The following NBEAL1 variants were observed in gnomAD, a reference collection of about 807,000 sequenced individuals.
NBEAL1 encodes the protein neurobeachin like 1, also known as neurobeachin-like protein 1.
NBEAL1 carries 273 observed loss-of-function variants against 351.3 expected under a neutral mutation model. The ratio of observed to expected loss-of-function variants is 0.78; its 90% CI spans 0.70 to 0.86. The LOEUF is 0.86. Among genes scored for constraint, NBEAL1 ranks in the 40% least tolerant of loss-of-function variants. The pLI is 0.00. For synonymous variants in NBEAL1, 1,050 were observed against 1,086.4 expected, an observed-to-expected ratio of 0.97 and a Z score of 0.66; for missense variants, 2,961 against 3,201.3, an observed-to-expected ratio of 0.92 and a Z score of 1.81.
rs1022627953 is a variant in NBEAL1 at position 203,167,290 on chromosome 2, A to G, written c.5927A>G (p.Asn1976Ser). 2.0e-5 allele frequency: 32 copies of G among 1,612,890 alleles called. No homozygotes were observed. The highest frequency in any genetic ancestry group is 2.5e-5 in the Non-Finnish European group (29 of 1,179,582). The change falls in exon 38 of 56, where the codon AAT becomes AGT. Residue 1976 changes from asparagine to serine, a missense_variant. Coordinates refer to ENST00000683969, the MANE Select transcript of NBEAL1 (RefSeq NM_001378026.1). Reference protein sequence around the residue: ...QIREIHLRRYNLRRSALEIFH... With the variant: ...QIREIHLRRYSLRRSALEIFH... The stretch of plus-strand genomic sequence containing the variant: ...CGAGAGATTCATCTCCGGCGTTACA[A>G]TTTAAGAAGATCAGCCCTTGAGATT...
chr2:203,167,360 G>A lies in NBEAL1; in HGVS notation c.5997G>A (p.Glu1999=). ...QSNYFLNFKK[E]VRNKIYSRLL... ...ACTACTTTCTCAATTTCAAAAAAGA[G>A]GTATGTATTATGGTTTCAGGAAATC... The change falls in exon 38 of 56, where the codon GAG becomes GAA. Residue 1999 remains glutamate, a splice_region_variant and synonymous_variant. Transcript: ENST00000683969. 6.2e-7 allele frequency: 1 copy of A among 1,607,606 alleles called. No individual in the cohort carries two copies. The highest frequency in any genetic ancestry group is 8.5e-7 in the Non-Finnish European group (1 of 1,177,444).
At chr2:203,046,836 T>G (rs1295105184) in intron 3 of NBEAL1, among the ~76,000 whole-genome samples, 1 of 152,174 alleles carries the variant, frequency 6.6e-6, no homozygotes. Flanking sequence ...ATACCAGCAT[T>G]CAGACCACAG....
At chr2:203,184,390 C>G (rs2064832989) in intron 44 of NBEAL1, among the ~76,000 whole-genome samples, 1 of 152,144 alleles carries the variant, frequency 6.6e-6, no homozygotes, top group Non-Finnish European at 1.5e-5. Flanking sequence ...GAGATCGCAC[C>G]ACTGCACTCC....
chr2:203,047,248 A>G (rs1006903517), intron 3 of NBEAL1, among the ~76,000 whole-genome samples: 1 of 152,110 alleles, frequency 6.6e-6, no homozygotes, highest in Non-Finnish European at 1.5e-5. Context: ...CAAAAAAAAA[A>G]AAACAAACAC....
chr2:203,095,440 A>G (rs1044773018), intron 10 of NBEAL1, among the ~76,000 whole-genome samples: 2 of 151,058 alleles, frequency 1.3e-5, no homozygotes, highest in Non-Finnish European at 3.0e-5. Context: ...GATTACAGGC[A>G]TGCACCACTA....
chr2:203,053,121 G>A (rs1198491525), intron 4 of NBEAL1, among the ~76,000 whole-genome samples: 2 of 151,994 alleles, frequency 1.3e-5, no homozygotes, highest in East Asian at 1.9e-4. Flanking sequence ...TGTATCATAC[G>A]GTAAGCTTAT....
intron 12 of NBEAL1, among the ~76,000 whole-genome samples, chr2:203,107,097 T>G (rs1348346919): frequency 6.6e-6 from 1 of 152,154 alleles, no homozygotes; most frequent in African/African-American, 2.4e-5. Flanking sequence ...ACTACTATAG[T>G]AATTACAAAT....
intron 25 of NBEAL1, among the ~76,000 whole-genome samples, 174 bp downstream of exon 25, chr2:203,130,650 AATT>A: frequency 6.6e-6 from 1 of 152,300 alleles, no homozygotes; most frequent in Non-Finnish European, 1.5e-5. Flanking sequence ...TTAAAAAACT[AATT>A]ATATTGTAAT....
At chr2:203,067,594 A>G (rs1170652029) in intron 6 of NBEAL1, among the ~76,000 whole-genome samples, 1 of 152,220 alleles carries the variant, frequency 6.6e-6, no homozygotes, top group Non-Finnish European at 1.5e-5. Flanking sequence ...TCAGTACATC[A>G]TATTTAGACG....
chr2:203,111,924 C>T, intron 15 of NBEAL1, 55 bp from the exon 16 acceptor site: 1 of 1,510,236 alleles, frequency 6.6e-7, no homozygotes, highest in Non-Finnish European at 8.9e-7. Flanking sequence ...AAGCATTTGT[C>T]ATTCCAAAGA....
intron 50 of NBEAL1, among the ~76,000 whole-genome samples, chr2:203,201,951 T>C (rs1443997957): frequency 6.6e-6 from 1 of 152,106 alleles, no homozygotes; most frequent in Non-Finnish European, 1.5e-5. Flanking sequence ...AATGTTAGGC[T>C]AAGTTGTTTT....
chr2:203,024,123 G>C (rs2060814237), intron 2 of NBEAL1, among the ~76,000 whole-genome samples: 1 of 151,426 alleles, frequency 6.6e-6, no homozygotes, highest in Admixed American at 6.6e-5. Flanking sequence ...TTGAGCTCGG[G>C]AGTTTCAGTC....
chr2:203,137,860 T>G (rs2063256189), intron 29 of NBEAL1, among the ~76,000 whole-genome samples: 1 of 151,984 alleles, frequency 6.6e-6, no homozygotes, highest in African/African-American at 2.4e-5. Context: ...GGTGCATGCC[T>G]GTAATCCCAG....
intron 44 of NBEAL1, among the ~76,000 whole-genome samples, chr2:203,183,635 T>C (rs1046717084): frequency 2.0e-5 from 3 of 152,170 alleles, no homozygotes; most frequent in Non-Finnish European, 4.4e-5. Flanking sequence ...TTCAGCTCTG[T>C]AAAATGTCCA....
rs1429803285 is a variant in NBEAL1, at chr2:203,112,029, C to T, written c.2133C>T (p.Ser711=). 6.4e-7 allele frequency: 1 copy of T among 1,552,130 alleles called. No homozygotes were observed. ...HMPGKRPFGQ[S]FVYIYDNGQQ... is the part of the protein sequence containing the mutation. ...CTGGAAAAAGGCCTTTTGGTCAGAG[C>T]TTCGTCTATATCTATGACAATGGAC... The change falls in exon 16 of 56, where the codon AGC becomes AGT. Residue 711 remains serine, a synonymous_variant. Coordinates refer to ENST00000683969, the MANE Select transcript of NBEAL1 (RefSeq NM_001378026.1).
intron 6 of NBEAL1, among the ~76,000 whole-genome samples, chr2:203,057,972 T>C (rs976104208): frequency 3.3e-5 from 5 of 151,972 alleles, no homozygotes; most frequent in Non-Finnish European, 1.5e-5. Context: ...GCCTACCGAG[T>C]AGCTGGGATT....
chr2:203,029,236 C>T (rs1376057524), intron 2 of NBEAL1, among the ~76,000 whole-genome samples: 2 of 152,242 alleles, frequency 1.3e-5, no homozygotes, highest in South Asian at 4.1e-4. Context: ...GTGCTCTGCC[C>T]GCCTCAGCTT....
At chr2:203,094,890 G>A (rs1231904872) in intron 10 of NBEAL1, among the ~76,000 whole-genome samples, 5 of 152,170 alleles carry the variant, frequency 3.3e-5, no homozygotes, top group African/African-American at 1.2e-4. Context: ...TGGAGGCCAA[G>A]GCAGGCGGAT....
intron 51 of NBEAL1, among the ~76,000 whole-genome samples, chr2:203,203,160 A>G (rs2065448337): frequency 2.6e-5 from 4 of 151,696 alleles, no homozygotes; most frequent in Admixed American, 2.6e-4. Context: ...TATCATTTTT[A>G]TTGAATAGCT....
Sources: gnomAD v4.1 joint callset for allele counts (sites outside exome capture counted in the v4.1 genomes callset) on GRCh38, gnomAD v4.1.1 for gene constraint, MANE v1.5 for transcripts, NCBI Gene and HGNC (gene_info 2026-07-23, HGNC 2026-07-21) for gene names.